LEMD2: variants seen among roughly 807,000 people sequenced by gnomAD.
LEMD2 encodes the protein LEM domain nuclear envelope protein 2, also known as LEM domain-containing protein 2.
In LEMD2, 34 loss-of-function variants were observed where a neutral mutation model predicts 58.8. The observed-to-expected ratio is 0.58, with a 90% CI of 0.44 to 0.77. LEMD2 has a LOEUF of 0.77. Among genes scored for constraint, LEMD2 ranks in the 30% least tolerant of loss-of-function variants. The pLI, the probability that LEMD2 is intolerant of heterozygous loss-of-function variation, is 0.00. For missense variants in LEMD2, 629 were observed against 717.9 expected (o/e 0.88, Z 1.42); for synonymous variants, 298 against 308.9 (o/e 0.96, Z 0.37).
intron 6 of LEMD2, among the ~76,000 whole-genome samples, chr6:33,777,586 C>T (rs1767463404): frequency 6.6e-6 from 1 of 152,230 alleles, no homozygotes; most frequent in South Asian, 2.1e-4. Flanking sequence ...CTTTGTATTC[C>T]GAGATGCTGC....
intron 6 of LEMD2, among the ~76,000 whole-genome samples, chr6:33,777,569 C>A (rs1054355747): frequency 6.6e-6 from 1 of 152,156 alleles, no homozygotes; most frequent in Non-Finnish European, 1.5e-5. Flanking sequence ...ATATACATGC[C>A]GGGGCCCTTT....
In LEMD2 at chr6:33,788,584, C is replaced by G; in HGVS notation, c.533G>C (p.Gly178Ala). ...CCGCAGGCCCGGGCGCGGGTCGGGA[C>G]CGAGGAGGGAGGAAGGCAGCCGCGC... ...APARLPSSLL[G>A]PDPRPGLRAT... The change falls in exon 1 of 9, where the codon GGT becomes GCT. Residue 178 changes from glycine to alanine, a missense_variant. Coordinates refer to ENST00000293760, the MANE Select transcript of LEMD2 (RefSeq NM_181336.4). The G allele has an allele frequency of 7.6e-7, 1 of 1,321,784 alleles. No homozygotes were observed. The allele number at this position is 1,321,784 out of a possible 1,614,324, so 81.9% of individuals were successfully genotyped here. A position where few individuals can be genotyped will look rare whatever the true frequency, so the allele number is the denominator to read the frequency against.
chr6:33,778,930 T>C lies in LEMD2; in HGVS notation c.1011-543A>G, dbSNP rs969008632. 2 of 152,152 alleles carry C rather than the reference T, an allele frequency of 1.3e-5. No homozygotes were observed. The highest frequency in any genetic ancestry group is 2.9e-5 in the Non-Finnish European group (2 of 68,046). The allele number at this position is 152,152 out of a possible 1,614,324, so 9.4% of individuals were successfully genotyped here. A position where few individuals can be genotyped will look rare whatever the true frequency, so the allele number is the denominator to read the frequency against. ...GACCCCAGCCACGGCGCCTCCACCA[T>C]GGTCTCTGGCCAGGAGGTGTCAGGA... On this transcript the variant is annotated intron_variant, in intron 5 of 8. Coordinates refer to ENST00000293760, the MANE Select transcript of LEMD2 (RefSeq NM_181336.4). This position sits in a 1 kb window ranked among gnomAD's most constrained non-coding sequence, Gnocchi z 4.7.
chr6:33,780,280 C>T, intron 4 of LEMD2, 101 bp from the exon 5 acceptor site: 1 of 1,027,700 alleles, frequency 9.7e-7, no homozygotes, highest in Non-Finnish European at 1.5e-6. Flanking sequence ...GTGTCCTCCA[C>T]AGCCCCAAAA....
chr6:33,774,261 T>C (rs1561922010), intron 8 of LEMD2, among the ~76,000 whole-genome samples: 1 of 144,436 alleles, frequency 6.9e-6, no homozygotes, highest in East Asian at 2.1e-4. Context: ...AACTTCCGCC[T>C]CCCGGGTTCA....
chr6:33,785,517 G>C (rs1767658568), intron 2 of LEMD2, among the ~76,000 whole-genome samples: 1 of 152,182 alleles, frequency 6.6e-6, no homozygotes, highest in Non-Finnish European at 1.5e-5. Flanking sequence ...ATCAGAGAAG[G>C]CCAGGGAACA....
At position 33,788,442 on chromosome 6, in the gene LEMD2, G is replaced by A. The variant is rs769696326; in HGVS notation, c.675C>T (p.Phe225=). ...LWASLGLLLV[F]LGILWVKMGK... ...CCATCTTCACCCAAAGGATGCCCAG[G>A]AAGACGAGCAGTAGCCCTAGGCTGG... The change falls in exon 1 of 9, where the codon TTC becomes TTT. Residue 225 remains phenylalanine (F), a synonymous_variant. Coordinates refer to ENST00000293760, the MANE Select transcript of LEMD2 (RefSeq NM_181336.4). The A allele has an allele frequency of 4.4e-6, 7 of 1,582,944 alleles. No homozygotes were observed. The highest frequency in any genetic ancestry group is 2.7e-5 in the African/African-American group (2 of 74,066).
intron 8 of LEMD2, 63 bp from the exon 9 acceptor site, chr6:33,772,841 C>T: frequency 6.8e-7 from 1 of 1,467,808 alleles, no homozygotes; most frequent in Non-Finnish European, 9.3e-7. Context: ...GTGGATGCCC[C>T]TCCTACAAAG....
At chr6:33,782,984 A>G (rs893083822) in intron 3 of LEMD2, among the ~76,000 whole-genome samples, 8 of 152,240 alleles carry the variant, frequency 5.3e-5, no homozygotes, top group African/African-American at 1.9e-4. Flanking sequence ...GGTAGGATGG[A>G]GGAGAAATAT....
chr6:33,780,733 T>TA (rs971512671), intron 4 of LEMD2, among the ~76,000 whole-genome samples: 9 of 152,170 alleles, frequency 5.9e-5, no homozygotes, highest in African/African-American at 2.2e-4. Flanking sequence ...GTCTGAATGG[T>TA]AATCATACGG....
In LEMD2 at chr6:33,771,275, G is replaced by A. The variant is rs1297483489; in HGVS notation, c.*1353C>T. ...CAGCCCTGATACTGAAGCCTGTTGC[G>A]GTGTTTCTTATTTTTCTGGCTGGAG... On this transcript the variant is annotated 3_prime_UTR_variant, in exon 9 of 9. Transcript: ENST00000293760. The A allele has an allele frequency of 2.0e-5, 3 of 152,184 alleles. No homozygotes were observed. Among genetic ancestry groups the A allele is most frequent in the Non-Finnish European group, 4.4e-5 (3 of 68,030 alleles). The allele number at this position is 152,184 out of a possible 1,614,324, so 9.4% of individuals were successfully genotyped here.
Position 33,778,406 on chromosome 6 carries a change from C to T in LEMD2, c.1011-19G>A, listed in dbSNP as rs1385096967. Reference sequence around the variant, plus strand: ...TTTCAACCTGAAACAGGACACAGGGCTCTGAACATGTTGGAAAGCTCCAAG... The same window carrying T: ...TTTCAACCTGAAACAGGACACAGGGTTCTGAACATGTTGGAAAGCTCCAAG... On this transcript the variant is annotated intron_variant, in intron 5 of 8. Coordinates refer to ENST00000293760, the MANE Select transcript of LEMD2 (RefSeq NM_181336.4). The surrounding 1 kb of genome is among the most constrained non-coding windows in gnomAD (Gnocchi z 4.7). 6.7e-7 allele frequency: 1 copy of T among 1,487,510 alleles called. No homozygotes were observed. Among genetic ancestry groups the T allele is most frequent in the African/African-American group, 1.4e-5 (1 of 70,982 alleles). The allele number at this position is 1,487,510 out of a possible 1,614,324, so 92.1% of individuals were successfully genotyped here.
At chr6:33,786,394 C>G (rs752629462) in intron 2 of LEMD2, among the ~76,000 whole-genome samples, 1 of 152,152 alleles carries the variant, frequency 6.6e-6, no homozygotes, top group African/African-American at 2.4e-5. Context: ...AAACGCCGGC[C>G]CTTCCTCCCA....
Position 33,789,113 on chromosome 6 carries a change from C to T in LEMD2, c.4G>A (p.Ala2Thr), listed in dbSNP as rs1352837083. 6.5e-7 allele frequency: 1 copy of T among 1,527,060 alleles called. No homozygotes were observed. Among genetic ancestry groups the T allele is most frequent in the East Asian group, 2.7e-5 (1 of 36,862 alleles). The allele number at this position is 1,527,060 out of a possible 1,614,324, so 94.6% of individuals were successfully genotyped here. The part of the protein sequence containing the change: M[A>T]GLSDLELRRE... Reference sequence around the variant, plus strand: ...CGCAGTTCCAGGTCCGACAGGCCGGCCATGGCCAGGACGCCGCCCCCCGCC... The same window carrying T: ...CGCAGTTCCAGGTCCGACAGGCCGGTCATGGCCAGGACGCCGCCCCCCGCC... The change falls in exon 1 of 9, where the codon GCC becomes ACC. Residue 2 changes from alanine (A) to threonine (T), a missense_variant. By Grantham distance (58) the Ala-to-Thr change is moderately conservative (BLOSUM62 0). Coordinates refer to ENST00000293760, the MANE Select transcript of LEMD2 (RefSeq NM_181336.4).
chr6:33,785,218 C>A (rs537685628), intron 2 of LEMD2, among the ~76,000 whole-genome samples: 12 of 152,252 alleles, frequency 7.9e-5, no homozygotes, highest in Non-Finnish European at 1.3e-4. Context: ...TCAGCAAGAG[C>A]CTCACCAAAG....
At chr6:33,777,305 AGATGCTGTGATG>A (rs1367655521) in intron 6 of LEMD2, 66 bp from the exon 7 acceptor site, 14 of 1,079,700 alleles carry the variant, frequency 1.3e-5, no homozygotes, top group African/African-American at 3.1e-5. Flanking sequence ...ACCATGGACA[AGATGCTGTGATG>A]GATGCTGTGG....
rs1767737208 is a variant in LEMD2, at chr6:33,788,483, G to C, written c.634C>G (p.Arg212Gly). Residue 212 changes from arginine (R) to glycine (G), a missense_variant, in exon 1 of 9, where the codon CGG (arginine) becomes GGG (glycine). By Grantham distance (125) the Arg-to-Gly change is moderately radical. This residue lies in a region of LEMD2 where 386 missense variants were observed against 381.1 expected (regional missense o/e 1.01). Transcript: ENST00000293760. Reference sequence around the variant, plus strand: ...CCTAGGCTGGCCCAGAGCAGAAGCCGAGAGAGCCAGCGCTCCAGCCGGCGC... The same window carrying C: ...CCTAGGCTGGCCCAGAGCAGAAGCCCAGAGAGCCAGCGCTCCAGCCGGCGC... Reference protein sequence around the residue: ...VGRRLERWLSRLLLWASLGLL... With the variant: ...VGRRLERWLSGLLLWASLGLL... 1 of 1,552,598 alleles carries C rather than the reference G, an allele frequency of 6.4e-7. No homozygotes were observed. The highest frequency in any genetic ancestry group is 8.7e-7 in the Non-Finnish European group (1 of 1,150,062).
rs1767555982 is a variant in LEMD2 at position 33,781,128 on chromosome 6, C to T, written c.879G>A (p.Glu293=). The T allele has an allele frequency of 6.2e-7, 1 of 1,612,334 alleles. No individual in the cohort carries two copies. The highest frequency in any genetic ancestry group is 1.3e-5 in the African/African-American group (1 of 74,832). The change falls in exon 4 of 9, where the codon GAG becomes GAA. Residue 293 remains glutamate, a synonymous_variant. Coordinates refer to ENST00000293760, the MANE Select transcript of LEMD2 (RefSeq NM_181336.4). Reference sequence around the variant, plus strand: ...CAGGAATGCATTTGCTTTTTAGATTCTCTGGATTTCCACACTCAAAATTAC... The same window carrying T: ...CAGGAATGCATTTGCTTTTTAGATTTTCTGGATTTCCACACTCAAAATTAC... ...QAGNFECGNP[E]NLKSKCIPVM...
At chr6:33,785,434 C>T (rs1049679514) in intron 2 of LEMD2, among the ~76,000 whole-genome samples, 3 of 152,192 alleles carry the variant, frequency 2.0e-5, no homozygotes, top group Non-Finnish European at 4.4e-5. Context: ...CGTCTGCCCA[C>T]GGAGCGCATC....
Sources: gnomAD v4.1 joint callset for allele counts (sites outside exome capture counted in the v4.1 genomes callset) on GRCh38, gnomAD v4.1.1 for gene constraint, gnomAD v4.1.1 regional missense constraint, Gnocchi (gnomAD v3.1) non-coding constraint, MANE v1.5 for transcripts, NCBI Gene and HGNC (gene_info 2026-07-23, HGNC 2026-07-21) for gene names.